Variants in CDH13 observed in about 807,000 individuals in gnomAD.
CDH13 encodes cadherin-13.
In CDH13, 24 loss-of-function variants were observed where a neutral mutation model predicts 63.8. The ratio of observed to expected loss-of-function variants is 0.38; its 90% CI spans 0.27 to 0.53. The LOEUF (loss-of-function observed/expected upper bound fraction) is 0.53, where lower values mean the gene tolerates loss of function less well. Among genes scored for constraint, CDH13 ranks in the 20% least tolerant of loss-of-function variants. CDH13 has a pLI of 0.85. For missense variants in CDH13, 1,049 were observed against 903.1 expected (o/e 1.16, Z -2.07); for synonymous variants, 503 against 355.3 (o/e 1.42, Z -4.67).
intron 3 of CDH13, among the ~76,000 whole-genome samples, chr16:83,121,451 G>C (rs188995012): frequency 6.6e-6 from 1 of 152,304 alleles, no homozygotes; most frequent in East Asian, 1.9e-4. Context: ...ATATTTGAGG[G>C]GGCTCATGCC....
intron 8 of CDH13, among the ~76,000 whole-genome samples, chr16:83,634,883 A>G (rs929840050): frequency 1.3e-5 from 2 of 152,250 alleles, no homozygotes; most frequent in African/African-American, 4.8e-5. Flanking sequence ...TACTGCAGTT[A>G]GAGCCACCCT....
chr16:82,717,561 CTT>C (rs11462975), intron 1 of CDH13, among the ~76,000 whole-genome samples: 38 of 151,990 alleles, frequency 2.5e-4, no homozygotes, highest in Admixed American at 2.6e-4. Context: ...TTGCTGGACT[CTT>C]TTAGATCCTG....
chr16:83,048,764 A>C (rs971984084), intron 3 of CDH13, among the ~76,000 whole-genome samples: 2 of 151,756 alleles, frequency 1.3e-5, no homozygotes, highest in African/African-American at 4.8e-5. Context: ...ATTTCCCCTC[A>C]CACTCTTACA....
intron 8 of CDH13, among the ~76,000 whole-genome samples, chr16:83,602,871 A>G (rs1907980018): frequency 6.6e-6 from 1 of 152,228 alleles, no homozygotes; most frequent in African/African-American, 2.4e-5. Flanking sequence ...CCATTTTCAT[A>G]GTTTTATTGC....
At chr16:82,810,695 T>C (rs1233721377) in intron 1 of CDH13, among the ~76,000 whole-genome samples, 9 of 152,062 alleles carry the variant, frequency 5.9e-5, no homozygotes, top group South Asian at 2.1e-4. Flanking sequence ...GTACATGGGA[T>C]TGGGGGGTGC....
chr16:83,724,596 A>G (rs1390212836), intron 10 of CDH13, among the ~76,000 whole-genome samples: 2 of 152,200 alleles, frequency 1.3e-5, no homozygotes, highest in Non-Finnish European at 2.9e-5. Context: ...AGCTCAAACC[A>G]GCTCAGATTG....
At chr16:82,869,481 A>T (rs901329313) in intron 2 of CDH13, among the ~76,000 whole-genome samples, 2 of 152,156 alleles carry the variant, frequency 1.3e-5, no homozygotes, top group African/African-American at 4.8e-5. Flanking sequence ...AAAGAAAAAA[A>T]ATTCTAAAAT....
intron 8 of CDH13, among the ~76,000 whole-genome samples, chr16:83,624,109 G>C (rs1355172678): frequency 2.6e-5 from 4 of 152,156 alleles, no homozygotes; most frequent in Non-Finnish European, 5.9e-5. Context: ...TGCAGCTCCA[G>C]CTGTCAGCTC....
intron 5 of CDH13, among the ~76,000 whole-genome samples, chr16:83,218,098 T>C (rs1597538334): frequency 6.6e-6 from 1 of 152,192 alleles, no homozygotes; most frequent in Non-Finnish European, 1.5e-5. Flanking sequence ...TTAACAAAAA[T>C]GATAAAGAAA....
chr16:83,513,911 A>G (rs1356156195), intron 7 of CDH13, among the ~76,000 whole-genome samples: 1 of 152,178 alleles, frequency 6.6e-6, no homozygotes, highest in African/African-American at 2.4e-5. Context: ...AAAATTATAG[A>G]GAATGAAGGA....
At chr16:83,038,864 C>G (rs1917096041) in intron 3 of CDH13, among the ~76,000 whole-genome samples, 1 of 152,176 alleles carries the variant, frequency 6.6e-6, no homozygotes, top group Admixed American at 6.5e-5. Context: ...GAACTTGTAG[C>G]TTGCCTGATT....
chr16:83,303,693 T>C lies in CDH13; in HGVS notation c.637-41169T>C, dbSNP rs76046268. 8.3e-3 allele frequency among the ~76,000 whole-genome samples: 1,271 copies of C among 152,252 alleles called. 7 individuals are homozygous for C. The highest frequency in any genetic ancestry group is 0.011 in the Non-Finnish European group (756 of 68,012). On this transcript the variant is annotated intron_variant, in intron 5 of 13. Coordinates refer to ENST00000567109, the MANE Select transcript of CDH13 (RefSeq NM_001257.5). ...CCTGTGCTTTGGGAGTGAAAGGTGA[T>C]TGAAAGATGAAGGAATAGGGGGAAG... is the stretch of plus-strand genomic sequence containing the variant.
At chr16:83,199,456 T>C (rs1001386434) in intron 4 of CDH13, among the ~76,000 whole-genome samples, 2 of 152,174 alleles carry the variant, frequency 1.3e-5, no homozygotes, top group African/African-American at 4.8e-5. Flanking sequence ...GTGTAACCCA[T>C]TGGACAAATG....
intron 2 of CDH13, among the ~76,000 whole-genome samples, chr16:82,996,421 C>T (rs1215156825): frequency 6.6e-6 from 1 of 152,074 alleles, no homozygotes; most frequent in Non-Finnish European, 1.5e-5. Context: ...GGCGGTTGTG[C>T]AAAAGCCAGC....
chr16:83,602,082 C>CAAAAAAAA (rs576973198), intron 7 of CDH13, among the ~76,000 whole-genome samples: 4 of 32,280 alleles, frequency 1.2e-4, no homozygotes, highest in Non-Finnish European at 1.9e-4. Flanking sequence ...GACTCTGTCT[C>CAAAAAAAA]AAAAAAAAAA....
chr16:83,074,350 C>T (rs1193387235), intron 3 of CDH13, among the ~76,000 whole-genome samples: 1 of 152,138 alleles, frequency 6.6e-6, no homozygotes, highest in Non-Finnish European at 1.5e-5. Context: ...AATAGTATTT[C>T]ATTGTGTAAA....
chr16:83,676,849 C>A, intron 9 of CDH13, among the ~76,000 whole-genome samples: 1 of 152,330 alleles, frequency 6.6e-6, no homozygotes, highest in East Asian at 1.9e-4. Context: ...TAAAGACACT[C>A]TGACCCAACC....
intron 1 of CDH13, among the ~76,000 whole-genome samples, chr16:82,643,626 G>A (rs1228410923): frequency 6.6e-6 from 1 of 152,210 alleles, no homozygotes; most frequent in Non-Finnish European, 1.5e-5. Context: ...TTGCTGATTT[G>A]TAAAGTGAAT....
At chr16:83,039,241 C>G (rs1413927989) in intron 3 of CDH13, among the ~76,000 whole-genome samples, 3 of 152,216 alleles carry the variant, frequency 2.0e-5, no homozygotes, top group Non-Finnish European at 2.9e-5. Context: ...GCTCTCACTT[C>G]CTGATCAGCT....
Sources: allele counts gnomAD v4.1 joint callset (sites outside exome capture counted in the v4.1 genomes callset), GRCh38; gene constraint gnomAD v4.1.1; transcripts MANE v1.5; gene names NCBI Gene and HGNC (gene_info 2026-07-23, HGNC 2026-07-21).